Variants in ALDH3B2 observed in about 807,000 individuals in gnomAD.
ALDH3B2 encodes aldehyde dehydrogenase family 3 member B2.
Under a neutral mutation model 36.7 loss-of-function variants are expected in ALDH3B2, and 45 were observed. The observed-to-expected ratio is 1.23, with a 90% CI of 0.97 to 1.57. The LOEUF (loss-of-function observed/expected upper bound fraction) is 1.57, where lower values mean the gene tolerates loss of function less well. ALDH3B2 is among the 40% of genes most tolerant of loss of function. The probability of loss-of-function intolerance (pLI) is 0.00; values close to 1 mark genes in which losing one functional copy is unlikely to be tolerated. For synonymous variants in ALDH3B2, 217 were observed against 226.5 expected (o/e 0.96, Z 0.38); for missense variants, 464 against 513.3 (o/e 0.90, Z 0.93).
At chr11:67,664,104 C>G (rs1855829335) in intron 8 of ALDH3B2, 2 of 575,582 alleles carry the variant, frequency 3.5e-6, no homozygotes, top group Non-Finnish European at 6.2e-6. Context: ...TGCTCTGTCC[C>G]TGACCTCCAT....
chr11:67,680,693 A>G (rs1480935096), intron 1 of ALDH3B2, among the ~76,000 whole-genome samples: 1 of 152,206 alleles, frequency 6.6e-6, no homozygotes, highest in Non-Finnish European at 1.5e-5. Flanking sequence ...CTAGGATTAC[A>G]GATGTGAGCC....
chr11:67,667,087 G>T, intron 2 of ALDH3B2, 71 bp from the exon 3 acceptor site: 1 of 775,624 alleles, frequency 1.3e-6, no homozygotes, highest in Non-Finnish European at 2.2e-6. Flanking sequence ...ATTTGAGGAG[G>T]GCACACGCAG....
intron 1 of ALDH3B2, among the ~76,000 whole-genome samples, chr11:67,680,427 A>G (rs574912581): frequency 4.7e-4 from 72 of 152,146 alleles, no homozygotes; most frequent in Non-Finnish European, 5.9e-4. Context: ...TCAAATTATT[A>G]TCATTATGAT....
intron 3 of ALDH3B2, 44 bp from the exon 4 acceptor site, chr11:67,666,738 C>G (rs1591143470): frequency 1.2e-6 from 2 of 1,611,838 alleles, no homozygotes; most frequent in Non-Finnish European, 1.7e-6. Flanking sequence ...AGGGCCACCC[C>G]AAAGCCCACC....
chr11:67,677,603 G>A (rs1259046535), upstream of ALDH3B2, among the ~76,000 whole-genome samples: 1 of 152,108 alleles, frequency 6.6e-6, no homozygotes, highest in Non-Finnish European at 1.5e-5. Context: ...GTCCTAGCCA[G>A]AGCAATCAGA....
chr11:67,668,997 G>GTGTGTA (rs1250323987), intron 1 of ALDH3B2, among the ~76,000 whole-genome samples: 2 of 151,440 alleles, frequency 1.3e-5, no homozygotes, highest in Admixed American at 1.3e-4. Flanking sequence ...GGGTGTCTGT[G>GTGTGTA]TGTGTATGTG....
upstream of ALDH3B2, among the ~76,000 whole-genome samples, chr11:67,678,636 CATAT>C (rs34057662): frequency 7.5e-5 from 11 of 146,668 alleles, no homozygotes; most frequent in African/African-American, 2.8e-4. Context: ...TACTATGGTA[CATAT>C]ATATATATAT....
exon 2 of ALDH3B2, chr11:67,667,594 G>T: frequency 2.8e-6 from 1 of 354,370 alleles, no homozygotes; most frequent in Non-Finnish European, 4.9e-6. Context: ...TCAGTTGAAG[G>T]CCTCACGCAG....
At chr11:67,679,470 CAAAAGAAAAAA>C (rs1464964570), upstream of ALDH3B2, among the ~76,000 whole-genome samples, 18 of 147,592 alleles carry the variant, frequency 1.2e-4, no homozygotes, top group South Asian at 2.8e-3. Flanking sequence ...GACTCCATCT[CAAAAGAAAAAA>C]AAAAGAAAAA....
chr11:67,669,780 C>CTG (rs1159359477), intron 1 of ALDH3B2, among the ~76,000 whole-genome samples: 1 of 57,406 alleles, frequency 1.7e-5, no homozygotes, highest in Non-Finnish European at 3.4e-5. Flanking sequence ...GTATGGGTGT[C>CTG]TGTGTGTGTA....
At chr11:67,665,349 C>T in exon 7 of ALDH3B2, 2 of 1,613,104 alleles carry the variant, frequency 1.2e-6, no homozygotes, top group Middle Eastern at 1.7e-4. Flanking sequence ...CCAGCAATGC[C>T]CGCAGCCGCT....
chr11:67,665,992 G>A (rs1412099667), intron 6 of ALDH3B2, 130 bp downstream of exon 6: 2 of 1,246,828 alleles, frequency 1.6e-6, no homozygotes, highest in African/African-American at 2.9e-5. Context: ...CAGGCAGACG[G>A]ACTCTGTGCC....
exon 4 of ALDH3B2, chr11:67,666,656 G>C: frequency 6.2e-7 from 1 of 1,614,168 alleles, no homozygotes; most frequent in Non-Finnish European, 8.5e-7. Context: ...CCAGGCCAAA[G>C]GGTTCCTTCC....
In ALDH3B2 at chr11:67,672,061, A is replaced by G. The variant is rs1311985356; in HGVS notation, c.-245+2376T>C. Among the ~76,000 whole-genome samples, 45 of 75,564 alleles carry G rather than the reference A, an allele frequency of 6.0e-4. 3 individuals are homozygous for G. Among genetic ancestry groups the G allele is most frequent in the Admixed American group, 1.6e-3 (11 of 6,892 alleles). 49.6% of individuals were successfully genotyped at this position (75,564 alleles called of 152,430 possible). Reference sequence around the variant, plus strand: ...GTACTTCATATATATATATATATATATATATATATATATATATATATATAT... The same window carrying G: ...GTACTTCATATATATATATATATATGTATATATATATATATATATATATAT... On this transcript the variant is annotated intron_variant, in intron 1 of 9. Transcript: ENST00000349015.
chr11:67,667,337 A>C, intron 2 of ALDH3B2, 136 bp downstream of exon 2: 1 of 378,962 alleles, frequency 2.6e-6, no homozygotes, highest in Non-Finnish European at 4.8e-6. Flanking sequence ...CACACTCCAC[A>C]TGCCAGGGAG....
At chr11:67,666,513 G>A in intron 4 of ALDH3B2, 61 bp downstream of exon 4, 2 of 1,609,618 alleles carry the variant, frequency 1.2e-6, no homozygotes, top group South Asian at 2.2e-5. Flanking sequence ...AAGATTCCAG[G>A]GGCCTCTTTG....
At chr11:67,669,672 G>GTCTGTATGTGTATGGGTGTC (rs1856030130) in intron 1 of ALDH3B2, among the ~76,000 whole-genome samples, 2 of 148,486 alleles carry the variant, frequency 1.3e-5, no homozygotes, top group Admixed American at 6.7e-5. Context: ...GTATGGGTGT[G>GTCTGTATGTGTATGGGTGTC]TCTGTATGTG....
exon 5 of ALDH3B2, chr11:67,666,325 G>A (rs757225233): frequency 3.7e-6 from 6 of 1,607,580 alleles, no homozygotes; most frequent in African/African-American, 1.3e-5. Flanking sequence ...CCTGGTCCAG[G>A]TACTGGGGCA....
At chr11:67,672,042 C>CATATATATATAT (rs57997475) in intron 1 of ALDH3B2, among the ~76,000 whole-genome samples, 18 of 49,484 alleles carry the variant, frequency 3.6e-4, no homozygotes, top group African/African-American at 1.4e-3. Flanking sequence ...CGATGTACTT[C>CATATATATATAT]ATATATATAT....
Sources: allele counts gnomAD v4.1 joint callset (sites outside exome capture counted in the v4.1 genomes callset), GRCh38; gene constraint gnomAD v4.1.1; transcripts MANE v1.5; gene names NCBI Gene and HGNC (gene_info 2026-07-23, HGNC 2026-07-21).